The following CHERP variants were observed in gnomAD, a reference collection of about 807,000 sequenced individuals.
CHERP encodes the protein ERPROT 213-21.
In CHERP, 8 loss-of-function variants were observed where a neutral mutation model predicts 113.8. That is an observed-to-expected ratio of 0.07 (90% CI 0.04 to 0.13). The LOEUF (loss-of-function observed/expected upper bound fraction) is 0.13. CHERP is among the 10% of genes least tolerant of loss of function. CHERP has a pLI of 1.00. For synonymous variants in CHERP, 559 were observed against 524.5 expected (o/e 1.07, Z -0.90); for missense variants, 884 against 1,298.2 (o/e 0.68, Z 4.90).
chr19:16,528,725 G>A (rs1036203302), intron 8 of CHERP, among the ~76,000 whole-genome samples: 5 of 152,224 alleles, frequency 3.3e-5, no homozygotes, highest in African/African-American at 9.6e-5. Flanking sequence ...AGGCTGAGGT[G>A]GGTGGATCCC....
At chr19:16,524,245 A>G (rs1293313033) in intron 10 of CHERP, among the ~76,000 whole-genome samples, 1 of 136,132 alleles carries the variant, frequency 7.3e-6, no homozygotes, top group Admixed American at 7.0e-5. Flanking sequence ...GCTCAGTCTC[A>G]AAAAAACAAC....
Position 16,542,399 on chromosome 19 carries a change from T to A in CHERP, c.-21A>T, listed in dbSNP as rs1386966065. 3.0e-6 allele frequency: 4 copies of A among 1,355,276 alleles called. No individual in the cohort carries two copies. The allele number at this position is 1,355,276 out of a possible 1,614,324, so 84.0% of individuals were successfully genotyped here. On this transcript the variant is annotated 5_prime_UTR_variant, in exon 1 of 17. Coordinates refer to ENST00000546361, the MANE Select transcript of CHERP (RefSeq NM_006387.6). ...TCCATGGCTCCGGCCGCGGGGAACG[T>A]CCTCCGGCGCCACACGATCGACCAC...
chr19:16,528,711 T>G (rs1473119114), intron 8 of CHERP, among the ~76,000 whole-genome samples: 1 of 152,220 alleles, frequency 6.6e-6, no homozygotes, highest in East Asian at 1.9e-4. Context: ...CCCAGCACTT[T>G]GGGAGGCTGA....
intron 8 of CHERP, among the ~76,000 whole-genome samples, chr19:16,528,677 G>A (rs1199417475): frequency 1.3e-5 from 2 of 152,132 alleles, no homozygotes; most frequent in Admixed American, 6.6e-5. Context: ...TGCTAGGCCG[G>A]GTGCGGTGGC....
intron 2 of CHERP, among the ~76,000 whole-genome samples, chr19:16,537,424 G>A (rs1348813694): frequency 6.6e-6 from 1 of 151,972 alleles, no homozygotes; most frequent in Non-Finnish European, 1.5e-5. Context: ...ATTGTGCATG[G>A]TGTGATTCCT....
At chr19:16,522,661 C>T (rs1429426669) in intron 11 of CHERP, among the ~76,000 whole-genome samples, 2 of 152,188 alleles carry the variant, frequency 1.3e-5, no homozygotes, top group Admixed American at 6.5e-5. Flanking sequence ...GGCCACCCCC[C>T]TCCCTGTGTG....
intron 1 of CHERP, 145 bp from the exon 2 acceptor site, chr19:16,542,188 G>A: frequency 2.7e-6 from 3 of 1,091,926 alleles, no homozygotes; most frequent in Non-Finnish European, 3.8e-6. Context: ...GTCCCGATAG[G>A]GGCCACACGC....
At position 16,535,731 on chromosome 19, in the gene CHERP, C is replaced by G. The variant is rs1381317860; in HGVS notation, c.200-95G>C. On this transcript the variant is annotated intron_variant, in intron 2 of 16. Coordinates refer to ENST00000546361, the MANE Select transcript of CHERP (RefSeq NM_006387.6). This position sits in a 1 kb window ranked among gnomAD's most constrained non-coding sequence, Gnocchi z 4.3. The stretch of plus-strand genomic sequence containing the variant: ...CTCAGCCACAGGGGCCTCCCCCTCC[C>G]CAGGGACTCACCATCCACGAGGGCC... 1 of 1,219,900 alleles carries G rather than the reference C, an allele frequency of 8.2e-7. No homozygotes were observed. The highest frequency in any genetic ancestry group is 1.1e-6 in the Non-Finnish European group (1 of 903,230). The allele number at this position is 1,219,900 out of a possible 1,614,324, so 75.6% of individuals were successfully genotyped here.
chr19:16,538,781 A>C (rs978853437), intron 2 of CHERP, among the ~76,000 whole-genome samples: 1 of 143,276 alleles, frequency 7.0e-6, no homozygotes, highest in Admixed American at 6.9e-5. Context: ...CCAAGTGGCC[A>C]CCCCCCCGCC....
In CHERP at chr19:16,541,887, G is replaced by A. The variant is rs992524837; in HGVS notation, c.182C>T (p.Ala61Val). ...EFYSYYKCKL[A>V]LEQQQLICKQ... ...GGACTCACGCTGCTGCTGCTCCAGCGCCAGCTTGCACTTGTAGTAACTGTA... is the reference window on the plus strand; with the variant it reads ...GGACTCACGCTGCTGCTGCTCCAGCACCAGCTTGCACTTGTAGTAACTGTA... Residue 61 changes from alanine to valine, a missense_variant, in exon 2 of 17, where the codon GCG (alanine) becomes GTG (valine). Transcript: ENST00000546361. The A allele has an allele frequency of 8.7e-6, 14 of 1,612,534 alleles. No homozygotes were observed. In the Admixed American group the frequency reaches 1.3e-4, roughly 15 times the overall value.
Position 16,525,755 on chromosome 19 carries a change from T to G in CHERP, c.1306-78A>C, listed in dbSNP as rs1336252839. 7.6e-7 allele frequency: 1 copy of G among 1,311,274 alleles called. No homozygotes were observed. The highest frequency in any genetic ancestry group is 1.5e-5 in the African/African-American group (1 of 65,816). 81.2% of individuals were successfully genotyped at this position (1,311,274 alleles called of 1,614,324 possible). On this transcript the variant is annotated intron_variant, in intron 9 of 16. Transcript: ENST00000546361. The surrounding 1 kb of genome is among the most constrained non-coding windows in gnomAD (Gnocchi z 6.5). ...GGCAGCATCACAGCGCTCGGCAGCA[T>G]CACAGCGCTGGCTCAGACCATGGAG... is the stretch of plus-strand genomic sequence containing the variant.
intron 2 of CHERP, among the ~76,000 whole-genome samples, chr19:16,537,613 T>C (rs2085750087): frequency 6.6e-6 from 1 of 152,098 alleles, no homozygotes; most frequent in Non-Finnish European, 1.5e-5. Flanking sequence ...AGAAGTAGCA[T>C]GTGCCTCCCA....
intron 9 of CHERP, chr19:16,526,022 G>A (rs992893498): frequency 6.5e-6 from 2 of 307,326 alleles, no homozygotes; most frequent in African/African-American, 4.3e-5. Flanking sequence ...TCGCCCCTCA[G>A]GGGCAGGTGC....
Position 16,520,385 on chromosome 19 carries a change from G to A in CHERP, c.2324C>T (p.Ser775Phe). 1 of 1,613,978 alleles carries A rather than the reference G, an allele frequency of 6.2e-7. No homozygotes were observed. Among genetic ancestry groups the A allele is most frequent in the Non-Finnish European group, 8.5e-7 (1 of 1,179,972 alleles). The change falls in exon 14 of 17, where the codon TCC becomes TTC. Residue 775 changes from serine (S) to phenylalanine (F), a missense_variant. Ser to Phe is a radical substitution (Grantham distance 155). Coordinates refer to ENST00000546361, the MANE Select transcript of CHERP (RefSeq NM_006387.6). The surrounding 1 kb of genome is among the most constrained non-coding windows in gnomAD (Gnocchi z 4.0). ...CTACCTAGATCTGGAGCGGGAGTAG[G>A]AACGGGAGCAGGAGCGCGACCTTGA... is the stretch of plus-strand genomic sequence containing the variant. The part of the protein sequence containing the change: ...SRSRSRSCSR[S>F]YSRSRSRSRS...
chr19:16,527,385 C>A (rs1298537404), intron 9 of CHERP, among the ~76,000 whole-genome samples: 1 of 152,218 alleles, frequency 6.6e-6, no homozygotes, highest in Non-Finnish European at 1.5e-5. Context: ...AAAGCCACAA[C>A]CACCAAGTCT....
At position 16,525,177 on chromosome 19, in the gene CHERP, A is replaced by G. The variant is rs985207904; in HGVS notation, c.1741+65T>C. ...TGGCAGGGCCACAAGCAGCGCCACC[A>G]GCCTGCTCGGCAGGCGAGCCGTGGA... is the stretch of plus-strand genomic sequence containing the variant. On this transcript the variant is annotated intron_variant, in intron 10 of 16. Transcript: ENST00000546361. The surrounding 1 kb of genome is among the most constrained non-coding windows in gnomAD (Gnocchi z 6.5). 7.4e-7 allele frequency: 1 copy of G among 1,344,192 alleles called. No homozygotes were observed. Among genetic ancestry groups the G allele is most frequent in the African/African-American group, 1.5e-5 (1 of 64,624 alleles). The allele number at this position is 1,344,192 out of a possible 1,614,324, so 83.3% of individuals were successfully genotyped here. A position where few individuals can be genotyped will look rare whatever the true frequency, so the allele number is the denominator to read the frequency against.
At position 16,530,862 on chromosome 19, in the gene CHERP, C is replaced by G. The variant is rs1367303309; in HGVS notation, c.693G>C (p.Arg231=). ...VLHHCQRKQA[R]ELLAALQKVV... ...CCTTCTGCAGGGCGGCCAGCAGCTC[C>G]CGGGCCTGCTTGCGCTGGCTGTGAG... Residue 231 remains arginine, a synonymous_variant, in exon 6 of 17, where the codon CGG becomes CGC. Transcript: ENST00000546361. This position sits in a 1 kb window ranked among gnomAD's most constrained non-coding sequence, Gnocchi z 4.1. The G allele has an allele frequency of 1.2e-6, 2 of 1,613,538 alleles. No homozygotes were observed. Among genetic ancestry groups the G allele is most frequent in the South Asian group, 2.2e-5 (2 of 91,088 alleles).
intron 11 of CHERP, among the ~76,000 whole-genome samples, chr19:16,522,333 A>G (rs2085624212): frequency 6.7e-6 from 1 of 150,216 alleles, no homozygotes; most frequent in Admixed American, 6.7e-5. Context: ...ATCTCGGCTC[A>G]GTGCAAGCTC....
Position 16,525,222 on chromosome 19 carries a change from C to G in CHERP, c.1741+20G>C, listed in dbSNP as rs1332644487. ...CGTGGATGCCTCCGCCAGGCCCTACCCAGGCGCCCGTACACTCACCGGCAG... is the reference window on the plus strand; with the variant it reads ...CGTGGATGCCTCCGCCAGGCCCTACGCAGGCGCCCGTACACTCACCGGCAG... On this transcript the variant is annotated intron_variant, in intron 10 of 16. Transcript: ENST00000546361. The surrounding 1 kb of genome is among the most constrained non-coding windows in gnomAD (Gnocchi z 6.5). The G allele has an allele frequency of 7.1e-7, 1 of 1,410,508 alleles. No homozygotes were observed. Among genetic ancestry groups the G allele is most frequent in the Non-Finnish European group, 9.2e-7 (1 of 1,081,942 alleles). The allele number at this position is 1,410,508 out of a possible 1,614,324, so 87.4% of individuals were successfully genotyped here.
Sources: gnomAD v4.1 joint callset for allele counts (sites outside exome capture counted in the v4.1 genomes callset) on GRCh38, gnomAD v4.1.1 for gene constraint, Gnocchi (gnomAD v3.1) non-coding constraint, MANE v1.5 for transcripts, NCBI Gene and HGNC (gene_info 2026-07-23, HGNC 2026-07-21) for gene names.